Variants in RBFOX1 observed in about 807,000 individuals in gnomAD.
RBFOX1 encodes RNA binding fox-1 homolog 1, also known as RNA binding protein fox-1 homolog 1.
In RBFOX1, 8 loss-of-function variants were observed where a neutral mutation model predicts 57.7. The ratio of observed to expected loss-of-function variants is 0.14; its 90% CI spans 0.08 to 0.25. The LOEUF (loss-of-function observed/expected upper bound fraction) is 0.25, where lower values mean the gene tolerates loss of function less well. RBFOX1 is among the 10% of genes least tolerant of loss of function. The pLI is 1.00. For missense variants in RBFOX1, 611 were observed against 548.5 expected (o/e 1.11, Z -1.14); for synonymous variants, 326 against 222.4 (o/e 1.47, Z -4.15).
intron 3 of RBFOX1, among the ~76,000 whole-genome samples, chr16:6,703,333 G>A (rs1236219435): frequency 6.6e-6 from 1 of 152,106 alleles, no homozygotes; most frequent in Non-Finnish European, 1.5e-5. Context: ...CAGCACTTAG[G>A]GAGGCTGAGG....
At chr16:7,584,452 C>G (rs985749035) in intron 6 of RBFOX1, among the ~76,000 whole-genome samples, 9 of 152,120 alleles carry the variant, frequency 5.9e-5, no homozygotes, top group Non-Finnish European at 1.3e-4. Flanking sequence ...ACCACCATGA[C>G]TGGGTAATTT....
chr16:5,725,824 C>T (rs995665811), intron 3 of RBFOX1, among the ~76,000 whole-genome samples: 1 of 151,956 alleles, frequency 6.6e-6, no homozygotes, highest in African/African-American at 2.4e-5. Context: ...GATGCCAGCT[C>T]TCCGAGTTCT....
intron 3 of RBFOX1, among the ~76,000 whole-genome samples, chr16:6,804,393 C>T (rs942879983): frequency 7.2e-5 from 11 of 152,134 alleles, no homozygotes; most frequent in African/African-American, 2.7e-4. Context: ...CCTAATGCCC[C>T]ATCTAGCCCT....
chr16:6,670,823 C>T (rs1456024040), intron 3 of RBFOX1, among the ~76,000 whole-genome samples: 1 of 151,750 alleles, frequency 6.6e-6, no homozygotes. Flanking sequence ...CGGTGAAACC[C>T]TGTCTCTACT....
At chr16:6,553,163 A>G (rs992000887) in intron 2 of RBFOX1, among the ~76,000 whole-genome samples, 2 of 152,084 alleles carry the variant, frequency 1.3e-5, no homozygotes, top group Non-Finnish European at 1.5e-5. Context: ...AACAGGGAGG[A>G]TTTTATCTGT....
chr16:7,532,630 G>T (rs979769110), intron 5 of RBFOX1, among the ~76,000 whole-genome samples: 1 of 152,280 alleles, frequency 6.6e-6, no homozygotes, highest in African/African-American at 2.4e-5. Flanking sequence ...GCCTTCTCCA[G>T]GCTTTTAACA....
chr16:5,900,745 A>C (rs967757139), intron 4 of RBFOX1, among the ~76,000 whole-genome samples: 85 of 152,158 alleles, frequency 5.6e-4, no homozygotes, highest in Admixed American at 5.1e-3. Flanking sequence ...AGGACATGAG[A>C]GGAGGGGATG....
chr16:5,578,660 G>T (rs938184212), intron 2 of RBFOX1, among the ~76,000 whole-genome samples: 1 of 152,064 alleles, frequency 6.6e-6, no homozygotes, highest in Admixed American at 6.6e-5. Context: ...TAGATCTAAG[G>T]CCTTCAAGGT....
intron 1 of RBFOX1, among the ~76,000 whole-genome samples, chr16:5,446,182 C>G (rs546873223): frequency 1.1e-4 from 16 of 151,668 alleles, no homozygotes; most frequent in African/African-American, 3.9e-4. Flanking sequence ...CTCAAAGGGA[C>G]AATAGGAGTC....
intron 3 of RBFOX1, among the ~76,000 whole-genome samples, chr16:6,899,023 G>A (rs201395900): frequency 9.7e-5 from 11 of 112,890 alleles, no homozygotes; most frequent in African/African-American, 3.5e-4. Context: ...GCGTCTCTGT[G>A]TGTGTGTATA....
At chr16:5,455,816 C>T (rs944649911) in intron 1 of RBFOX1, among the ~76,000 whole-genome samples, 1 of 152,050 alleles carries the variant, frequency 6.6e-6, no homozygotes, top group South Asian at 2.1e-4. Flanking sequence ...CTAGAGAACC[C>T]TGGTTTCGAG....
intron 3 of RBFOX1, among the ~76,000 whole-genome samples, chr16:6,885,170 C>T (rs892453568): frequency 6.6e-6 from 1 of 152,166 alleles, no homozygotes; most frequent in Non-Finnish European, 1.5e-5. Context: ...CCCTAATTCC[C>T]AGGTAGTAAT....
chr16:6,119,278 G>C (rs967431728), intron 1 of RBFOX1, among the ~76,000 whole-genome samples: 28 of 152,048 alleles, frequency 1.8e-4, no homozygotes, highest in African/African-American at 6.5e-4. Flanking sequence ...TCTCAGCTCA[G>C]ATTATCTGCT....
intron 5 of RBFOX1, among the ~76,000 whole-genome samples, chr16:7,540,705 A>G (rs2082691791): frequency 6.6e-6 from 1 of 152,176 alleles, no homozygotes; most frequent in East Asian, 1.9e-4. Flanking sequence ...CTCTTCTTGA[A>G]TGAGAAATAA....
At position 6,785,621 on chromosome 16, in the gene RBFOX1, C is replaced by T. The variant is rs192210690; in HGVS notation, c.-16+130971C>T. 4.3e-3 allele frequency among the ~76,000 whole-genome samples: 659 copies of T among 152,262 alleles called. 4 individuals are homozygous for T. Among genetic ancestry groups the T allele is most frequent in the African/African-American group, 0.015 (640 of 41,546 alleles). ...GCTATTTTTCCTTTGTTTTCAACTG[C>T]ACAATAACCATCAGAAACACTTACC... is the stretch of plus-strand genomic sequence containing the variant. On this transcript the variant is annotated intron_variant, in intron 3 of 15. Transcript: ENST00000550418.
At chr16:6,154,573 A>C (rs2096825654) in intron 1 of RBFOX1, among the ~76,000 whole-genome samples, 1 of 152,190 alleles carries the variant, frequency 6.6e-6, no homozygotes, top group African/African-American at 2.4e-5. Flanking sequence ...AGATGGTCTA[A>C]ATCTTCTCCC....
At chr16:6,906,514 C>T (rs956244994) in intron 3 of RBFOX1, among the ~76,000 whole-genome samples, 2 of 151,990 alleles carry the variant, frequency 1.3e-5, no homozygotes, top group Non-Finnish European at 2.9e-5. Context: ...GTTTATATAA[C>T]CGCAATCTAA....
intron 2 of RBFOX1, among the ~76,000 whole-genome samples, chr16:6,507,977 T>C (rs936150733): frequency 3.3e-5 from 5 of 152,188 alleles, no homozygotes; most frequent in African/African-American, 9.6e-5. Context: ...TGCCCATCAA[T>C]GATAGACTGG....
intron 2 of RBFOX1, among the ~76,000 whole-genome samples, chr16:6,624,358 T>A (rs892825468): frequency 1.3e-5 from 2 of 152,140 alleles, no homozygotes; most frequent in East Asian, 1.9e-4. Flanking sequence ...TTCTTGACAT[T>A]TTTTTCTGGT....
Sources: gnomAD v4.1 joint callset for allele counts (sites outside exome capture counted in the v4.1 genomes callset) on GRCh38, gnomAD v4.1.1 for gene constraint, MANE v1.5 for transcripts, NCBI Gene and HGNC (gene_info 2026-07-23, HGNC 2026-07-21) for gene names.